NREP: variants seen among roughly 807,000 people sequenced by gnomAD.
NREP encodes the protein neuronal regeneration-related protein.
Under a neutral mutation model 8.6 loss-of-function variants are expected in NREP, and 5 were observed. That is an observed-to-expected ratio of 0.58 (90% CI 0.30 to 1.22). The LOEUF (loss-of-function observed/expected upper bound fraction) is 1.22. Ranked by LOEUF, NREP falls within the 50% of genes most tolerant of loss-of-function variation. NREP has a pLI of 0.07. For missense variants in NREP, 86 were observed against 82.5 expected (o/e 1.04, Z -0.17); for synonymous variants, 27 against 28.0 (o/e 0.96, Z 0.11).
intron 2 of NREP, among the ~76,000 whole-genome samples, chr5:111,952,775 G>C (rs1314690108): frequency 6.6e-6 from 1 of 152,112 alleles, no homozygotes; most frequent in East Asian, 1.9e-4. Flanking sequence ...GATTGTTATT[G>C]TCCTGTAGTT....
At chr5:111,956,984 T>TAAAC (rs775279762) in intron 2 of NREP, among the ~76,000 whole-genome samples, 6 of 150,574 alleles carry the variant, frequency 4.0e-5, no homozygotes, top group Non-Finnish European at 8.9e-5. Context: ...AATAAATAAA[T>TAAAC]AAATAAATAA....
intron 2 of NREP, among the ~76,000 whole-genome samples, chr5:111,869,582 G>A (rs1753740878): frequency 1.3e-5 from 2 of 152,144 alleles, no homozygotes; most frequent in African/African-American, 4.8e-5. Flanking sequence ...GCAGTATAAT[G>A]TCATGGCTAA....
intron 2 of NREP, among the ~76,000 whole-genome samples, chr5:111,959,517 T>C (rs953974835): frequency 5.3e-5 from 8 of 152,042 alleles, no homozygotes; most frequent in African/African-American, 1.7e-4. Context: ...AAACACAGCA[T>C]TGAAGAGCGT....
intron 2 of NREP, among the ~76,000 whole-genome samples, chr5:111,820,371 T>C (rs1021254485): frequency 6.6e-6 from 1 of 152,224 alleles, no homozygotes; most frequent in Non-Finnish European, 1.5e-5. Flanking sequence ...GCTTCACAAG[T>C]ATTGATTTTG....
At chr5:111,743,573 GAACA>G (rs890112067) in intron 2 of NREP, among the ~76,000 whole-genome samples, 1 of 152,096 alleles carries the variant, frequency 6.6e-6, no homozygotes, top group Non-Finnish European at 1.5e-5. Flanking sequence ...TAAAAAGAAA[GAACA>G]AACTTGAATA....
intron 2 of NREP, among the ~76,000 whole-genome samples, chr5:111,766,417 T>C (rs1751085760): frequency 6.6e-6 from 1 of 152,166 alleles, no homozygotes. Flanking sequence ...CCAGCTATAA[T>C]CCCTTAACTG....
chr5:111,793,954 A>G (rs985396389), intron 2 of NREP, among the ~76,000 whole-genome samples: 3 of 152,166 alleles, frequency 2.0e-5, no homozygotes, highest in Admixed American at 1.3e-4. Flanking sequence ...GCTACTCGAG[A>G]GGCTGAGGTG....
chr5:111,757,985 G>A (rs1299831189), upstream of NREP: 7 of 985,426 alleles, frequency 7.1e-6, no homozygotes, highest in African/African-American at 1.0e-4. Context: ...ACGGCGACGG[G>A]CGGCAGCCGC....
At chr5:111,867,683 A>G (rs1297244244) in intron 2 of NREP, among the ~76,000 whole-genome samples, 1 of 152,150 alleles carries the variant, frequency 6.6e-6, no homozygotes, top group African/African-American at 2.4e-5. Context: ...AGAGTCACAT[A>G]GGAGTTTGAG....
chr5:111,783,724 T>C (rs184465705), intron 2 of NREP, among the ~76,000 whole-genome samples: 11 of 152,348 alleles, frequency 7.2e-5, no homozygotes, highest in African/African-American at 2.6e-4. Context: ...TTTTTCTCCT[T>C]CATTCTATTA....
chr5:111,950,354 C>A lies in NREP; in HGVS notation c.135+24920G>T, dbSNP rs1480366029. Reference sequence around the variant, plus strand: ...AAACTAGCTAGCCATATACAGAAAACTGAAACTGGACCCCTTCCTTAAACC... The same window carrying A: ...AAACTAGCTAGCCATATACAGAAAAATGAAACTGGACCCCTTCCTTAAACC... On this transcript the variant is annotated intron_variant, in intron 2 of 3. Transcript: ENST00000395634. Among the ~76,000 whole-genome samples the A allele has an allele frequency of 2.6e-5, 4 of 152,070 alleles. No homozygotes were observed. In the South Asian group the frequency reaches 6.2e-4, roughly 24 times the overall value.
intron 2 of NREP, among the ~76,000 whole-genome samples, chr5:111,775,805 T>C (rs1371538761): frequency 6.6e-6 from 1 of 152,098 alleles, no homozygotes; most frequent in Non-Finnish European, 1.5e-5. Context: ...GTGACTCCTA[T>C]CACAAAGAAA....
Position 111,756,464 on chromosome 5 carries a change from T to C in NREP, c.-58-634A>G, listed in dbSNP as rs111442985. On this transcript the variant is annotated intron_variant, in intron 1 of 3. Transcript: ENST00000257435. Reference sequence around the variant, plus strand: ...GACCGCTCTTTTGTTAACACAGTTATGACAAAAATTAAGATGAATGGAGAA... The same window carrying C: ...GACCGCTCTTTTGTTAACACAGTTACGACAAAAATTAAGATGAATGGAGAA... Among the ~76,000 whole-genome samples, 196 of 152,234 alleles carry C rather than the reference T, an allele frequency of 1.3e-3. 2 individuals carry two copies. Among genetic ancestry groups the C allele is most frequent in the Non-Finnish European group, 2.1e-3 (140 of 68,014 alleles).
chr5:111,898,337 TTAGAGA>T (rs1385534531), intron 2 of NREP, among the ~76,000 whole-genome samples: 2 of 152,062 alleles, frequency 1.3e-5, no homozygotes, highest in Admixed American at 1.3e-4. Context: ...TGACTATAAT[TTAGAGA>T]TAGAGACGAG....
intron 2 of NREP, among the ~76,000 whole-genome samples, chr5:111,946,355 T>C (rs1232769441): frequency 6.6e-6 from 1 of 152,054 alleles, no homozygotes; most frequent in Non-Finnish European, 1.5e-5. Context: ...GTGTGGGCCC[T>C]ACACTGAAGT....
At chr5:111,847,964 G>A (rs892304803) in intron 2 of NREP, among the ~76,000 whole-genome samples, 2 of 152,136 alleles carry the variant, frequency 1.3e-5, no homozygotes, top group Admixed American at 6.6e-5. Flanking sequence ...CATTGCCAAA[G>A]ATTCAAGACC....
chr5:111,879,789 A>G (rs1043007198), intron 2 of NREP, among the ~76,000 whole-genome samples: 1 of 152,128 alleles, frequency 6.6e-6, no homozygotes, highest in Non-Finnish European at 1.5e-5. Context: ...CAGAAAGCCA[A>G]CTTCTTTTTG....
intron 2 of NREP, among the ~76,000 whole-genome samples, chr5:111,821,531 C>G (rs867439635): frequency 1.4e-4 from 22 of 152,182 alleles, no homozygotes; most frequent in Middle Eastern, 3.4e-3. Flanking sequence ...AAATCTGAAT[C>G]CAAACACATC....
At chr5:111,765,299 C>A (rs1751054390) in intron 2 of NREP, among the ~76,000 whole-genome samples, 1 of 152,178 alleles carries the variant, frequency 6.6e-6, no homozygotes, top group African/African-American at 2.4e-5. Context: ...GTAATGCTTG[C>A]TCACCCACCA....
Sources: allele counts gnomAD v4.1 joint callset (sites outside exome capture counted in the v4.1 genomes callset), GRCh38; gene constraint gnomAD v4.1.1; transcripts MANE v1.5; gene names NCBI Gene and HGNC (gene_info 2026-07-23, HGNC 2026-07-21).